Variants in CNTNAP5 observed in about 807,000 individuals in gnomAD.
CNTNAP5 encodes the protein contactin-associated protein-like 5.
Under a neutral mutation model 150.2 loss-of-function variants are expected in CNTNAP5, and 72 were observed. The ratio of observed to expected loss-of-function variants is 0.48; its 90% CI spans 0.40 to 0.58. The LOEUF is 0.58. Among genes scored for constraint, CNTNAP5 ranks in the 20% least tolerant of loss-of-function variants. CNTNAP5 has a pLI of 0.00. For synonymous variants in CNTNAP5, 672 were observed against 619.8 expected (o/e 1.08, Z -1.25); for missense variants, 1,636 against 1,626.2 (o/e 1.01, Z -0.10).
intron 13 of CNTNAP5, among the ~76,000 whole-genome samples, chr2:124,707,761 T>C (rs34958027): frequency 0.2 from 31,075 of 152,094 alleles, 3,279 homozygotes; most frequent in East Asian, 0.24. Flanking sequence ...CTTCCTTTAT[T>C]TTTCTGGATT....
chr2:124,033,595 C>G (rs1681123401), intron 1 of CNTNAP5, among the ~76,000 whole-genome samples: 2 of 152,132 alleles, frequency 1.3e-5, no homozygotes, highest in South Asian at 4.1e-4. Flanking sequence ...CTTTGAGATT[C>G]CAGTGCTGCC....
intron 3 of CNTNAP5, among the ~76,000 whole-genome samples, chr2:124,250,314 A>G (rs1687141042): frequency 6.6e-6 from 1 of 152,082 alleles, no homozygotes; most frequent in Non-Finnish European, 1.5e-5. Flanking sequence ...CTGGTTGGGG[A>G]CCTCACTTTG....
chr2:124,811,356 CA>C, intron 19 of CNTNAP5, among the ~76,000 whole-genome samples: 1 of 152,224 alleles, frequency 6.6e-6, no homozygotes, highest in Non-Finnish European at 1.5e-5. Context: ...TTCTTATGTT[CA>C]GTTATTCTAT....
intron 1 of CNTNAP5, among the ~76,000 whole-genome samples, chr2:124,098,879 A>T (rs1412622378): frequency 6.6e-6 from 1 of 152,126 alleles, no homozygotes; most frequent in East Asian, 1.9e-4. Flanking sequence ...GAGGAAATTG[A>T]TCCTGTGGAC....
At chr2:124,837,611 G>T (rs1291039152) in intron 19 of CNTNAP5, among the ~76,000 whole-genome samples, 1 of 152,088 alleles carries the variant, frequency 6.6e-6, no homozygotes, top group African/African-American at 2.4e-5. Context: ...TTTTGCTTGA[G>T]CACAGAACTC....
intron 13 of CNTNAP5, among the ~76,000 whole-genome samples, chr2:124,724,730 C>G (rs1354697736): frequency 6.6e-6 from 1 of 151,900 alleles, no homozygotes; most frequent in Admixed American, 6.6e-5. Flanking sequence ...TGCTCTCTAT[C>G]AAGAACTCAC....
At chr2:124,597,251 A>G (rs1696850226) in intron 11 of CNTNAP5, among the ~76,000 whole-genome samples, 1 of 148,952 alleles carries the variant, frequency 6.7e-6, no homozygotes, top group Non-Finnish European at 1.5e-5. Context: ...TGGTCTTTAC[A>G]TTTTGGCATG....
intron 4 of CNTNAP5, among the ~76,000 whole-genome samples, chr2:124,419,954 TTCCTTTTCTCTCTCTC>T (rs1320609020): frequency 2.2e-4 from 23 of 103,328 alleles, no homozygotes; most frequent in Admixed American, 6.2e-4. Context: ...CTTTCTTTCT[TTCCTTTTCTCTCTCTC>T]TCTTTCTTTC....
At chr2:124,271,696 T>TCTAC (rs1687761455) in intron 3 of CNTNAP5, among the ~76,000 whole-genome samples, 1 of 108,336 alleles carries the variant, frequency 9.2e-6, no homozygotes, top group Non-Finnish European at 2.0e-5. Flanking sequence ...TATCTATCTA[T>TCTAC]CTATCATCTA....
chr2:124,894,979 TCA>T (rs1678272904), intron 21 of CNTNAP5, among the ~76,000 whole-genome samples: 1 of 151,486 alleles, frequency 6.6e-6, no homozygotes, highest in African/African-American at 2.4e-5. Flanking sequence ...GATTCAGCAC[TCA>T]CTGTCTTACA....
intron 2 of CNTNAP5, among the ~76,000 whole-genome samples, chr2:124,231,441 T>C (rs1686616814): frequency 6.6e-6 from 1 of 152,154 alleles, no homozygotes. Flanking sequence ...AATTTGAATC[T>C]AGGTCTGTCT....
chr2:124,392,832 G>A (rs143216457), intron 3 of CNTNAP5, among the ~76,000 whole-genome samples: 175 of 151,852 alleles, frequency 1.2e-3, no homozygotes, highest in African/African-American at 3.9e-3. Context: ...TTGGCTATAT[G>A]GTTCTCAGGT....
intron 7 of CNTNAP5, among the ~76,000 whole-genome samples, chr2:124,476,772 T>A (rs149853125): frequency 0.016 from 2,447 of 152,242 alleles, 31 homozygotes; most frequent in Non-Finnish European, 0.022. Flanking sequence ...GGGGCCATAG[T>A]CTTTTCTATG....
chr2:124,446,788 T>C lies in CNTNAP5; in HGVS notation c.769T>C (p.Ser257Pro). The change falls in exon 6 of 24, where the codon TCT (serine) becomes CCT (proline). Residue 257 changes from serine (S) to proline (P), a missense_variant. Physicochemically the swap from Ser to Pro is moderately conservative, Grantham distance 74. Transcript: ENST00000682447. ...SKARLSSSLP[S>P]ATLGSLLDDQ... ...AGCGCGGCTCAGCAGCAGCTTGCCCTCTGCCACCCTGGGCAGCCTCCTGGA... is the reference window on the plus strand; with the variant it reads ...AGCGCGGCTCAGCAGCAGCTTGCCCCCTGCCACCCTGGGCAGCCTCCTGGA... 3 of 1,613,848 alleles carry C rather than the reference T, an allele frequency of 1.9e-6. No homozygotes were observed. The highest frequency in any genetic ancestry group is 2.5e-6 in the Non-Finnish European group (3 of 1,179,806).
At chr2:124,086,143 A>G (rs900525964) in intron 1 of CNTNAP5, among the ~76,000 whole-genome samples, 9 of 145,140 alleles carry the variant, frequency 6.2e-5, no homozygotes, top group African/African-American at 2.3e-4. Flanking sequence ...TATCAGTTCT[A>G]TCAGTTATTT....
At chr2:124,489,803 A>G (rs924454178) in intron 7 of CNTNAP5, among the ~76,000 whole-genome samples, 2 of 152,126 alleles carry the variant, frequency 1.3e-5, no homozygotes, top group Non-Finnish European at 2.9e-5. Context: ...CAGGCTGCAG[A>G]AGAAAGGAAG....
Position 124,391,037 on chromosome 2 carries a change from C to A in CNTNAP5, c.382-26406C>A, listed in dbSNP as rs148036631. On this transcript the variant is annotated intron_variant, in intron 3 of 23. Transcript: ENST00000682447. ...AAGTTAAATTCTGAAGCCAAACCAG[C>A]GGCGGTTTAAATCTGCTTCTGCATA... 2.3e-3 allele frequency among the ~76,000 whole-genome samples: 355 copies of A among 152,294 alleles called. 1 individual carries two copies. The highest frequency in any genetic ancestry group is 8.3e-3 in the African/African-American group (343 of 41,562).
At chr2:124,113,705 C>T (rs76765844) in intron 1 of CNTNAP5, among the ~76,000 whole-genome samples, 1 of 151,812 alleles carries the variant, frequency 6.6e-6, no homozygotes, top group Admixed American at 6.6e-5. Flanking sequence ...TCCTTATAGC[C>T]TCTTGCATCT....
At position 124,049,121 on chromosome 2, in the gene CNTNAP5, C is replaced by T. The variant is rs116036954; in HGVS notation, c.82+23389C>T. ...AGGTCACTTTGAGAAACGCTGATTT[C>T]AGGGCTTTTTGCTTTATCACTGTTA... is the stretch of plus-strand genomic sequence containing the variant. On this transcript the variant is annotated intron_variant, in intron 1 of 23. Coordinates refer to ENST00000682447, the MANE Select transcript of CNTNAP5 (RefSeq NM_001367498.1). Among the ~76,000 whole-genome samples, 500 of 152,310 alleles carry T rather than the reference C, an allele frequency of 3.3e-3. 3 individuals are homozygous for T. Among genetic ancestry groups the T allele is most frequent in the Non-Finnish European group, 5.7e-3 (389 of 68,034 alleles).
Sources: gnomAD v4.1 joint callset for allele counts (sites outside exome capture counted in the v4.1 genomes callset) on GRCh38, gnomAD v4.1.1 for gene constraint, MANE v1.5 for transcripts, NCBI Gene and HGNC (gene_info 2026-07-23, HGNC 2026-07-21) for gene names.